SPTBN5: variants seen among roughly 807,000 people sequenced by gnomAD.
SPTBN5 encodes spectrin beta chain, non-erythrocytic 5.
A neutral mutation model predicts 477.6 loss-of-function variants in SPTBN5; 513 were observed. That is an observed-to-expected ratio of 1.07 (90% CI 1.00 to 1.16). The LOEUF is 1.16. Ranked by LOEUF, SPTBN5 falls within the 50% of genes most tolerant of loss-of-function variation. The pLI, the probability that SPTBN5 is intolerant of heterozygous loss-of-function variation, is 0.00. For missense variants in SPTBN5, 5,062 were observed against 4,731.8 expected, an observed-to-expected ratio of 1.07 and a Z score of -2.05; for synonymous variants, 2,169 against 2,011.7, an observed-to-expected ratio of 1.08 and a Z score of -2.09.
Position 41,855,606 on chromosome 15 carries a change from C to A in SPTBN5, c.9161G>T (p.Arg3054Leu), listed in dbSNP as rs768598820. 5.0e-6 allele frequency: 8 copies of A among 1,611,572 alleles called. No homozygotes were observed. In the Admixed American group the frequency reaches 8.3e-5, roughly 17 times the overall value. ...TKRDLEAFSP[R>L]IERLQQTAAL... is the part of the protein sequence containing the mutation. ...TGCTGTCTGCTGCAGCCGCTCGATG[C>A]GTGGGCTGAACGCTTCCAGGTCTCT... is the stretch of plus-strand genomic sequence containing the variant. The change falls in exon 54 of 68, where the codon CGC (arginine) becomes CTC (leucine). Residue 3054 changes from arginine to leucine, a missense_variant. Coordinates refer to ENST00000320955, the MANE Select transcript of SPTBN5 (RefSeq NM_016642.4).
rs2067121615 is a variant in SPTBN5, at chr15:41,885,592, G to A, written c.1520+143C>T. Reference sequence around the variant, plus strand: ...AGTGGGCTTGCAAGCATCACTGGGAGATAGATCTTTGTAGAGGGATCCCTG... The same window carrying A: ...AGTGGGCTTGCAAGCATCACTGGGAAATAGATCTTTGTAGAGGGATCCCTG... On this transcript the variant is annotated intron_variant, in intron 7 of 67. Coordinates refer to ENST00000320955, the MANE Select transcript of SPTBN5 (RefSeq NM_016642.4). 2.4e-5 allele frequency: 25 copies of A among 1,043,292 alleles called. No homozygotes were observed. In the East Asian group the frequency reaches 4.8e-4, roughly 20 times the overall value. The allele number at this position is 1,043,292 out of a possible 1,614,324, so 64.6% of individuals were successfully genotyped here. A position where few individuals can be genotyped will look rare whatever the true frequency, so the allele number is the denominator to read the frequency against.
chr15:41,867,149 C>A, intron 35 of SPTBN5, 23 bp from the exon 36 acceptor site: 1 of 1,513,920 alleles, frequency 6.6e-7, no homozygotes, highest in Non-Finnish European at 8.8e-7. Context: ...GGCACAGCTG[C>A]TGCTCTCCCA....
In SPTBN5 at chr15:41,893,558, G is replaced by A; in HGVS notation, c.-49-12C>T. 1.3e-6 allele frequency: 2 copies of A among 1,530,246 alleles called. No individual in the cohort carries two copies. The highest frequency in any genetic ancestry group is 1.7e-6 in the Non-Finnish European group (2 of 1,143,882). 94.8% of individuals were successfully genotyped at this position (1,530,246 alleles called of 1,614,324 possible). A position where few individuals can be genotyped will look rare whatever the true frequency, so the allele number is the denominator to read the frequency against. ...ATGGCTCCCTAAACCTGGAGGGCAT[G>A]CAGATTAGGGGATGATGTGAATGGA... On this transcript the variant is annotated splice_polypyrimidine_tract_variant and intron_variant, in intron 1 of 67. Transcript: ENST00000320955.
chr15:41,851,667 G>A (rs368864967), intron 63 of SPTBN5, 112 bp downstream of exon 63: 3 of 777,636 alleles, frequency 3.9e-6, no homozygotes, highest in African/African-American at 1.7e-5. Flanking sequence ...GTGGGGGGTG[G>A]CATCTGCCCA....
At position 41,862,222 on chromosome 15, in the gene SPTBN5, C is replaced by T. The variant is rs767418791; in HGVS notation, c.7456G>A (p.Ala2486Thr). The change falls in exon 44 of 68, where the codon GCC becomes ACC. Residue 2486 changes from alanine to threonine, a missense_variant. Physicochemically the swap from Ala to Thr is moderately conservative, Grantham distance 58. Coordinates refer to ENST00000320955, the MANE Select transcript of SPTBN5 (RefSeq NM_016642.4). ...QAMLQELLVS[A>T]QRLRAQMDTS... ...TCCATCTGAGCCCGCAGCCTCTGGG[C>T]GCTGACCAGCAATTCCTGCAGCATT... is the stretch of plus-strand genomic sequence containing the variant. 33 of 1,611,636 alleles carry T rather than the reference C, an allele frequency of 2.0e-5. No homozygotes were observed. Among genetic ancestry groups the T allele is most frequent in the African/African-American group, 1.2e-4 (9 of 74,930 alleles).
At chr15:41,885,594 T>C (rs914832570) in intron 7 of SPTBN5, 141 bp downstream of exon 7, 17 of 1,051,584 alleles carry the variant, frequency 1.6e-5, no homozygotes, top group African/African-American at 3.2e-5. Flanking sequence ...CACTGGGAGA[T>C]AGATCTTTGT....
intron 7 of SPTBN5, among the ~76,000 whole-genome samples, chr15:41,885,461 A>G (rs1451050864): frequency 6.6e-6 from 1 of 152,258 alleles, no homozygotes; most frequent in Non-Finnish European, 1.5e-5. Context: ...AGCACCTAGC[A>G]CAGTGTGTGG....
At chr15:41,851,890 C>T (rs1261369003) in intron 62 of SPTBN5, 40 bp from the exon 63 acceptor site, 11 of 1,550,938 alleles carry the variant, frequency 7.1e-6, no homozygotes, top group Non-Finnish European at 9.7e-6. Flanking sequence ...TCAGGACCAG[C>T]ACCCTCAGGA....
At position 41,876,869 on chromosome 15, in the gene SPTBN5, G is replaced by T; in HGVS notation, c.3791C>A (p.Ala1264Glu). The change falls in exon 19 of 68, where the codon GCA (alanine) becomes GAA (glutamate). Residue 1264 changes from alanine to glutamate, a missense_variant. Ala to Glu is a moderately radical substitution (Grantham distance 107). Transcript: ENST00000320955. ...CTCGCCGTGTGCCCGCAGAGCCTCT[G>T]CCCGAGGCCCCAGGGTGCTCAGGAG... ...GRLLSTLGPR[A>E]EALRAHGEKL... The T allele has an allele frequency of 1.9e-6, 3 of 1,610,486 alleles. No homozygotes were observed. Among genetic ancestry groups the T allele is most frequent in the Non-Finnish European group, 2.5e-6 (3 of 1,179,840 alleles).
In SPTBN5 at chr15:41,886,239, G is replaced by A. The variant is rs551430209; in HGVS notation, c.1016C>T (p.Pro339Leu). 72 of 1,613,144 alleles carry A rather than the reference G, an allele frequency of 4.5e-5. No individual in the cohort carries two copies. In the Admixed American group the frequency reaches 1.1e-3, roughly 26 times the overall value. ...LEARDFPDSL[P>L]AMRQLLAAFT... ...TGCTGCCAGTAGCTGCCGCATGGCG[G>A]GCAGCGAGTCTGGAAAATCCCGCGC... The change falls in exon 7 of 68, where the codon CCC becomes CTC. Residue 339 changes from proline to leucine, a missense_variant. Coordinates refer to ENST00000320955, the MANE Select transcript of SPTBN5 (RefSeq NM_016642.4).
chr15:41,865,764 GT>G, intron 39 of SPTBN5, 43 bp downstream of exon 39: 1 of 1,500,756 alleles, frequency 6.7e-7, no homozygotes, highest in Non-Finnish European at 9.0e-7. Context: ...TGGATTTTCA[GT>G]GCGGGATGCA....
chr15:41,865,987 A>T (rs1361513189), intron 38 of SPTBN5, 51 bp downstream of exon 38: 1 of 1,545,350 alleles, frequency 6.5e-7, no homozygotes, highest in East Asian at 2.4e-5. Context: ...CCTCCTGTCA[A>T]GGGAGGGCTC....
chr15:41,887,273 G>A lies in SPTBN5; in HGVS notation c.828C>T (p.Leu276=), dbSNP rs1474341313. The A allele has an allele frequency of 6.4e-7, 1 of 1,551,384 alleles. No individual in the cohort carries two copies. The highest frequency in any genetic ancestry group is 8.7e-7 in the Non-Finnish European group (1 of 1,147,008). The change falls in exon 6 of 68, where the codon CTC becomes CTT. Residue 276 remains leucine, a synonymous_variant. Transcript: ENST00000320955. ...DERSIMTYVS[L]YYHYCSRLHQ... ...GCAGGCGGGAGCAGTAGTGGTAGTA[G>A]AGGGAGACGTAGGTCATGATAGAGC...
chr15:41,852,769 T>TGGGGGGG, intron 60 of SPTBN5, 34 bp from the exon 61 acceptor site: 3 of 1,272,798 alleles, frequency 2.4e-6, no homozygotes, highest in Non-Finnish European at 2.2e-6. Context: ...ACGCCCAGCT[T>TGGGGGGG]GGGGGGGGGG....
intron 66 of SPTBN5, chr15:41,850,519 T>C: frequency 3.1e-6 from 1 of 326,810 alleles, no homozygotes; most frequent in East Asian, 5.7e-5. Flanking sequence ...GAACAGAGCC[T>C]GGAAAGCCCT....
chr15:41,869,827 G>T lies in SPTBN5; in HGVS notation c.5853+14C>A. 3.9e-6 allele frequency: 6 copies of T among 1,546,562 alleles called. No individual in the cohort carries two copies. The highest frequency in any genetic ancestry group is 2.4e-5 in the South Asian group (2 of 83,902). On this transcript the variant is annotated intron_variant, in intron 32 of 67. Transcript: ENST00000320955. The stretch of plus-strand genomic sequence containing the variant: ...CATGCACACACACACCACCCAAAGG[G>T]CAGGAGCCCTCACCGCCGTGCGGAA...
chr15:41,850,144 C>G (rs887229471), intron 66 of SPTBN5, 185 bp from the exon 67 acceptor site: 2 of 592,476 alleles, frequency 3.4e-6, no homozygotes, highest in East Asian at 2.8e-5. Context: ...TTCCCCCATG[C>G]GTCCTGCCTC....
At chr15:41,868,362 C>T in intron 33 of SPTBN5, 36 bp downstream of exon 33, 4 of 1,584,964 alleles carry the variant, frequency 2.5e-6, no homozygotes, top group Non-Finnish European at 3.4e-6. Context: ...GCTTGGTCAG[C>T]TAGGGTATGT....
chr15:41,848,424 A>G lies in SPTBN5; in HGVS notation c.*192T>C, dbSNP rs2065626248. On this transcript the variant is annotated 3_prime_UTR_variant, in exon 68 of 68. Transcript: ENST00000320955. Reference sequence around the variant, plus strand: ...CAGGAATGCAGGGGGAGGCCAGGCAATGGCTGTTTCCTGCCACATGGTAGG... The same window carrying G: ...CAGGAATGCAGGGGGAGGCCAGGCAGTGGCTGTTTCCTGCCACATGGTAGG... 1 of 665,830 alleles carries G rather than the reference A, an allele frequency of 1.5e-6. No individual in the cohort carries two copies. Among genetic ancestry groups the G allele is most frequent in the Non-Finnish European group, 2.7e-6 (1 of 368,732 alleles). 41.2% of individuals were successfully genotyped at this position (665,830 alleles called of 1,614,324 possible).
Sources: gnomAD v4.1 joint callset for allele counts (sites outside exome capture counted in the v4.1 genomes callset) on GRCh38, gnomAD v4.1.1 for gene constraint, MANE v1.5 for transcripts, NCBI Gene and HGNC (gene_info 2026-07-23, HGNC 2026-07-21) for gene names.